Variants in UBE2E2 observed in about 807,000 individuals in gnomAD.
The protein encoded by UBE2E2 is ubiquitin conjugating enzyme E2 E2, also known as ubiquitin-conjugating enzyme E2 E2.
In UBE2E2, 6 loss-of-function variants were observed where a neutral mutation model predicts 24.7. The observed-to-expected ratio is 0.24, with a 90% CI of 0.13 to 0.48. UBE2E2 has a LOEUF of 0.48. Among genes scored for constraint, UBE2E2 ranks in the 20% least tolerant of loss-of-function variants. The probability of loss-of-function intolerance (pLI) is 0.99; values close to 1 mark genes in which losing one functional copy is unlikely to be tolerated. For synonymous variants in UBE2E2, 104 were observed against 83.6 expected (o/e 1.24, Z -1.33); for missense variants, 169 against 245.0 (o/e 0.69, Z 2.07).
At chr3:23,309,722 G>A (rs888120691) in intron 3 of UBE2E2, among the ~76,000 whole-genome samples, 12 of 152,132 alleles carry the variant, frequency 7.9e-5, no homozygotes, top group African/African-American at 2.2e-4. Flanking sequence ...GAATAGCAGC[G>A]TTTAGTCATT....
intron 3 of UBE2E2, among the ~76,000 whole-genome samples, chr3:23,284,911 G>T (rs1357725633): frequency 7.4e-6 from 1 of 135,640 alleles, no homozygotes; most frequent in African/African-American, 2.6e-5. Context: ...TCAAATACTA[G>T]ATCTTATTCA....
chr3:23,332,680 T>G lies in UBE2E2; in HGVS notation c.227+115368T>G, dbSNP rs1331633633. 6.2e-3 allele frequency among the ~76,000 whole-genome samples: 310 copies of G among 49,854 alleles called. 2 individuals carry two copies. Among genetic ancestry groups the G allele is most frequent in the African/African-American group, 0.015 (296 of 19,252 alleles). The allele number at this position is 49,854 out of a possible 152,430, so 32.7% of individuals were successfully genotyped here. ...GCTTCCTGGCAGCCAGTGGGGTGTG[T>G]GTGTGTGTGTGTGTGTGTGTGTGTG... On this transcript the variant is annotated intron_variant, in intron 3 of 5. Coordinates refer to ENST00000396703, the MANE Select transcript of UBE2E2 (RefSeq NM_152653.4).
intron 3 of UBE2E2, among the ~76,000 whole-genome samples, chr3:23,351,818 A>G (rs550665736): frequency 6.6e-6 from 1 of 152,354 alleles, no homozygotes; most frequent in Admixed American, 6.5e-5. Flanking sequence ...AACATTAGAC[A>G]GATCAACGAG....
chr3:23,323,183 C>G (rs190680504), intron 3 of UBE2E2, among the ~76,000 whole-genome samples: 1 of 152,042 alleles, frequency 6.6e-6, no homozygotes, highest in African/African-American at 2.4e-5. Context: ...TCACAACCAC[C>G]TTATGAAGGT....
At chr3:23,236,383 A>G (rs1016966323) in intron 3 of UBE2E2, among the ~76,000 whole-genome samples, 6 of 152,096 alleles carry the variant, frequency 3.9e-5, no homozygotes, top group South Asian at 2.1e-4. Context: ...AATTGGGCTC[A>G]GGAGGGAAGG....
intron 3 of UBE2E2, among the ~76,000 whole-genome samples, chr3:23,359,552 G>T (rs1696056778): frequency 6.6e-6 from 1 of 151,910 alleles, no homozygotes; most frequent in Admixed American, 6.6e-5. Context: ...AGCTTTAATG[G>T]TAGCATATTT....
At chr3:23,548,071 T>G (rs902536137) in intron 5 of UBE2E2, among the ~76,000 whole-genome samples, 1 of 152,160 alleles carries the variant, frequency 6.6e-6, no homozygotes, top group Admixed American at 6.5e-5. Flanking sequence ...CAAATCAGTG[T>G]GAACTACTGG....
intron 3 of UBE2E2, among the ~76,000 whole-genome samples, chr3:23,404,571 T>C (rs946842315): frequency 2.5e-4 from 38 of 152,226 alleles, no homozygotes; most frequent in South Asian, 8.3e-4. Flanking sequence ...GCATTTGGAA[T>C]TGTATAAGTA....
At chr3:23,370,545 A>T (rs535440071) in intron 3 of UBE2E2, among the ~76,000 whole-genome samples, 1 of 152,224 alleles carries the variant, frequency 6.6e-6, no homozygotes, top group South Asian at 2.1e-4. Context: ...AATCAGATTT[A>T]TGGTAGTTAA....
chr3:23,337,365 A>G (rs139524415), intron 3 of UBE2E2, among the ~76,000 whole-genome samples: 139 of 152,258 alleles, frequency 9.1e-4, no homozygotes, highest in African/African-American at 3.2e-3. Flanking sequence ...TTCAGTACTA[A>G]TTCGGCCCTG....
At chr3:23,460,360 A>C (rs55737333) in intron 3 of UBE2E2, among the ~76,000 whole-genome samples, 21,864 of 152,204 alleles carry the variant, frequency 0.14, 1,654 homozygotes, top group Middle Eastern at 0.2. Context: ...CTTATCACAG[A>C]AGTGTTATTG....
chr3:23,307,924 C>T (rs1294993139), intron 3 of UBE2E2, among the ~76,000 whole-genome samples: 2 of 152,104 alleles, frequency 1.3e-5, no homozygotes, highest in African/African-American at 2.4e-5. Context: ...AGGACAAAAT[C>T]AGTTTGATCT....
chr3:23,520,775 T>A (rs1694845834), intron 4 of UBE2E2, among the ~76,000 whole-genome samples: 1 of 152,154 alleles, frequency 6.6e-6, no homozygotes, highest in Non-Finnish European at 1.5e-5. Flanking sequence ...CCCAAGTAGC[T>A]AGTAATACAG....
At chr3:23,414,105 A>T (rs1697564034) in intron 3 of UBE2E2, among the ~76,000 whole-genome samples, 1 of 152,204 alleles carries the variant, frequency 6.6e-6, no homozygotes, top group Non-Finnish European at 1.5e-5. Flanking sequence ...AGATTATCCC[A>T]ATGTACAACA....
At chr3:23,448,787 C>G (rs1190045750) in intron 3 of UBE2E2, among the ~76,000 whole-genome samples, 1 of 152,024 alleles carries the variant, frequency 6.6e-6, no homozygotes, top group Non-Finnish European at 1.5e-5. Context: ...TCTTTGGGAG[C>G]GTAGTTACAA....
chr3:23,540,597 G>A lies in UBE2E2; in HGVS notation c.508+7896G>A, dbSNP rs147044692. On this transcript the variant is annotated intron_variant, in intron 5 of 5. Transcript: ENST00000396703. ...TTTTTGGATTTTTAGTAGAGACGGGGTTTCACCATGTTGATCAGGCTGGTC... is the reference window on the plus strand; with the variant it reads ...TTTTTGGATTTTTAGTAGAGACGGGATTTCACCATGTTGATCAGGCTGGTC... Among the ~76,000 whole-genome samples the A allele has an allele frequency of 4.5e-4, 69 of 152,218 alleles. 1 individual carries two copies. In the East Asian group the frequency reaches 0.013, roughly 28 times the overall value.
intron 5 of UBE2E2, among the ~76,000 whole-genome samples, chr3:23,587,725 A>G (rs1696659840): frequency 6.6e-6 from 1 of 152,258 alleles, no homozygotes; most frequent in African/African-American, 2.4e-5. Context: ...ATCCTGGCCA[A>G]TTGCCAGATA....
At chr3:23,352,906 C>G (rs578117136) in intron 3 of UBE2E2, among the ~76,000 whole-genome samples, 165 of 152,310 alleles carry the variant, frequency 1.1e-3, no homozygotes, top group African/African-American at 3.8e-3. Flanking sequence ...CATCCTGATA[C>G]CAAAGCCGGG....
At chr3:23,276,405 A>G (rs1698375721) in intron 3 of UBE2E2, among the ~76,000 whole-genome samples, 1 of 152,198 alleles carries the variant, frequency 6.6e-6, no homozygotes, top group Non-Finnish European at 1.5e-5. Context: ...AAATTCTAAT[A>G]TATAAACTAA....
Sources: allele counts gnomAD v4.1 joint callset (sites outside exome capture counted in the v4.1 genomes callset), GRCh38; gene constraint gnomAD v4.1.1; transcripts MANE v1.5; gene names NCBI Gene and HGNC (gene_info 2026-07-23, HGNC 2026-07-21).